The following CNTNAP2 variants were observed in gnomAD, a reference collection of about 807,000 sequenced individuals.
CNTNAP2 encodes contactin associated protein 2, also known as contactin-associated protein-like 2.
In CNTNAP2, 98 loss-of-function variants were observed where a neutral mutation model predicts 155.2. The observed-to-expected ratio is 0.63, with a 90% CI of 0.54 to 0.75. CNTNAP2 has a LOEUF of 0.75. CNTNAP2 is among the 30% of genes least tolerant of loss of function. The pLI is 0.00. For missense variants in CNTNAP2, 1,727 were observed against 1,688.1 expected (o/e 1.02, Z -0.40); for synonymous variants, 651 against 631.2 (o/e 1.03, Z -0.47).
intron 13 of CNTNAP2, chr7:147,704,384 G>A (rs1796278919): frequency 6.1e-6 from 1 of 163,782 alleles, no homozygotes. Context: ...ATACCAAATG[G>A]CTGTTTAATC....
chr7:147,110,823 C>T (rs1354102240), intron 5 of CNTNAP2, among the ~76,000 whole-genome samples: 2 of 152,070 alleles, frequency 1.3e-5, no homozygotes, highest in Admixed American at 1.3e-4. Context: ...GTGAATAGTG[C>T]TGCAATGAAC....
chr7:147,264,408 G>A (rs575213436), intron 8 of CNTNAP2, among the ~76,000 whole-genome samples: 5 of 152,028 alleles, frequency 3.3e-5, no homozygotes, highest in African/African-American at 9.6e-5. Flanking sequence ...AAAGAGATAC[G>A]TAGAATGGTA....
chr7:148,210,317 A>G (rs954002720), intron 18 of CNTNAP2, among the ~76,000 whole-genome samples: 8 of 152,200 alleles, frequency 5.3e-5, no homozygotes, highest in Non-Finnish European at 7.3e-5. Context: ...TGAAGCCCTC[A>G]TCTCATTTGC....
intron 15 of CNTNAP2, among the ~76,000 whole-genome samples, chr7:148,074,418 C>G (rs749321288): frequency 6.6e-6 from 1 of 152,148 alleles, no homozygotes; most frequent in East Asian, 1.9e-4. Context: ...AGGCCAGACC[C>G]GGTGGCTCAC....
intron 9 of CNTNAP2, among the ~76,000 whole-genome samples, chr7:147,308,153 G>A (rs1205328030): frequency 6.6e-6 from 1 of 152,102 alleles, no homozygotes; most frequent in East Asian, 1.9e-4. Flanking sequence ...TGAGAAGATG[G>A]GAGAGAAGAA....
intron 21 of CNTNAP2, among the ~76,000 whole-genome samples, chr7:148,352,091 G>T (rs1730431): frequency 0.33 from 50,377 of 152,100 alleles, 8,901 homozygotes; most frequent in Non-Finnish European, 0.4. Flanking sequence ...TGGTAGGCAG[G>T]TCATTCGGGA....
intron 1 of CNTNAP2, among the ~76,000 whole-genome samples, chr7:146,751,815 C>G (rs796120952): frequency 2.6e-5 from 4 of 152,058 alleles, no homozygotes; most frequent in African/African-American, 7.2e-5. Context: ...ATGTTGTTCC[C>G]CTCGCTGTGT....
At chr7:146,768,900 G>T (rs1402684678) in intron 1 of CNTNAP2, among the ~76,000 whole-genome samples, 2 of 152,088 alleles carry the variant, frequency 1.3e-5, no homozygotes, top group Non-Finnish European at 2.9e-5. Context: ...CCATACTTTT[G>T]TGTCAATTAC....
intron 1 of CNTNAP2, among the ~76,000 whole-genome samples, chr7:146,610,619 A>G (rs760643624): frequency 1.3e-5 from 2 of 152,116 alleles, no homozygotes; most frequent in African/African-American, 2.4e-5. Flanking sequence ...CCCATTTTTG[A>G]GACATGATTG....
intron 3 of CNTNAP2, among the ~76,000 whole-genome samples, chr7:146,966,761 C>A (rs771522527): frequency 3.2e-4 from 48 of 152,262 alleles, no homozygotes; most frequent in Middle Eastern, 3.4e-3. Context: ...TCAGATCAAC[C>A]AGACCATATA....
intron 1 of CNTNAP2, among the ~76,000 whole-genome samples, chr7:146,700,629 A>G (rs1800860701): frequency 1.3e-5 from 2 of 152,164 alleles, no homozygotes; most frequent in Admixed American, 1.3e-4. Flanking sequence ...TTATATCAGA[A>G]TAAGAAATCA....
chr7:147,383,656 A>C (rs1258935248), intron 9 of CNTNAP2, among the ~76,000 whole-genome samples: 1 of 152,022 alleles, frequency 6.6e-6, no homozygotes, highest in East Asian at 1.9e-4. Context: ...CATTAAGACA[A>C]ATACCTAATA....
At chr7:146,708,699 T>C (rs949566248) in intron 1 of CNTNAP2, among the ~76,000 whole-genome samples, 1 of 136,658 alleles carries the variant, frequency 7.3e-6, no homozygotes, top group Non-Finnish European at 1.5e-5. Context: ...TGGGTTCAAG[T>C]ATTCTCCTGC....
intron 8 of CNTNAP2, among the ~76,000 whole-genome samples, chr7:147,290,348 G>A (rs1033782499): frequency 2.0e-5 from 3 of 152,042 alleles, no homozygotes; most frequent in Non-Finnish European, 4.4e-5. Flanking sequence ...TCAGGGGACC[G>A]CTTTTAACAG....
chr7:147,754,299 A>G lies in CNTNAP2; in HGVS notation c.2098+114993A>G, dbSNP rs539439269. On this transcript the variant is annotated intron_variant, in intron 13 of 23. Coordinates refer to ENST00000361727, the MANE Select transcript of CNTNAP2 (RefSeq NM_014141.6). ...GCTGCTAAGGCACCAATTCATCATCATCTTAAACTTGATAGTTACAGGGAA... is the reference window on the plus strand; with the variant it reads ...GCTGCTAAGGCACCAATTCATCATCGTCTTAAACTTGATAGTTACAGGGAA... 2.4e-4 allele frequency among the ~76,000 whole-genome samples: 37 copies of G among 152,324 alleles called. 1 individual carries two copies. Among genetic ancestry groups the G allele is most frequent in the African/African-American group, 8.9e-4 (37 of 41,562 alleles).
At chr7:147,044,952 T>A (rs1359675577) in intron 4 of CNTNAP2, among the ~76,000 whole-genome samples, 1 of 152,190 alleles carries the variant, frequency 6.6e-6, no homozygotes, top group Non-Finnish European at 1.5e-5. Context: ...GTGAAGGCGA[T>A]ACCAACACAG....
At chr7:147,699,193 C>T (rs932591272) in intron 13 of CNTNAP2, among the ~76,000 whole-genome samples, 2 of 148,454 alleles carry the variant, frequency 1.3e-5, no homozygotes, top group African/African-American at 5.0e-5. Context: ...GCAAGCTGAA[C>T]GGGTTGGAGT....
chr7:147,639,456 T>C, intron 13 of CNTNAP2, 150 bp downstream of exon 13: 2 of 779,038 alleles, frequency 2.6e-6, no homozygotes, highest in Non-Finnish European at 4.3e-6. Context: ...TCATTGGGCT[T>C]GTTTTCTGGG....
In CNTNAP2 at chr7:147,800,912, G is replaced by A. The variant is rs114206865; in HGVS notation, c.2099-102653G>A. ...GTACAGTAACATACTGTACAGGTTT[G>A]CAGCCTAGAAGCAATGGGCTGTACC... is the stretch of plus-strand genomic sequence containing the variant. On this transcript the variant is annotated intron_variant, in intron 13 of 23. Transcript: ENST00000361727. Among the ~76,000 whole-genome samples, 239 of 152,298 alleles carry A rather than the reference G, an allele frequency of 1.6e-3. 1 individual carries two copies. The highest frequency in any genetic ancestry group is 5.3e-3 in the African/African-American group (221 of 41,566).
Sources: gnomAD v4.1 joint callset for allele counts (sites outside exome capture counted in the v4.1 genomes callset) on GRCh38, gnomAD v4.1.1 for gene constraint, MANE v1.5 for transcripts, NCBI Gene and HGNC (gene_info 2026-07-23, HGNC 2026-07-21) for gene names.